UBAP2L: variants seen among roughly 807,000 people sequenced by gnomAD.
UBAP2L encodes the protein ubiquitin-associated protein 2-like.
Under a neutral mutation model 130.6 loss-of-function variants are expected in UBAP2L, and 12 were observed. The ratio of observed to expected loss-of-function variants is 0.09; its 90% CI spans 0.06 to 0.15. UBAP2L has a LOEUF of 0.15. Among genes scored for constraint, UBAP2L ranks in the 10% least tolerant of loss-of-function variants. UBAP2L has a pLI of 1.00. For missense variants in UBAP2L, 965 were observed against 1,332.5 expected, an observed-to-expected ratio of 0.72 and a Z score of 4.29; for synonymous variants, 503 against 524.7, an observed-to-expected ratio of 0.96 and a Z score of 0.57.
chr1:154,251,686 A>G (rs764714911), intron 14 of UBAP2L, 33 bp downstream of exon 14: 1 of 1,609,574 alleles, frequency 6.2e-7, no homozygotes, highest in Admixed American at 1.7e-5. Flanking sequence ...GACCTCTCTT[A>G]TTAACCTTTA....
At chr1:154,252,066 C>T (rs370333979) in intron 14 of UBAP2L, among the ~76,000 whole-genome samples, 21 of 151,846 alleles carry the variant, frequency 1.4e-4, no homozygotes, top group South Asian at 8.3e-4. Flanking sequence ...CTCTGCCACC[C>T]GGGTTCAAGC....
At chr1:154,235,420 A>G in intron 6 of UBAP2L, 129 bp downstream of exon 6, 1 of 581,062 alleles carries the variant, frequency 1.7e-6, no homozygotes. Context: ...TGGCACAGTC[A>G]TAGCTCACTG....
In UBAP2L at chr1:154,251,577, T is replaced by C; in HGVS notation, c.1588T>C (p.Ser530Pro). ...GCAGTTTGGGTCAGAGCCTGTCCTT[T>C]CTGATTATGAGTCCACCCCCACCAC... The part of the protein sequence containing the change: ...ALQFGSEPVL[S>P]DYESTPTTSA... The change falls in exon 14 of 27, where the codon TCT becomes CCT. Residue 530 changes from serine (S) to proline (P), a missense_variant. This residue lies in a region of UBAP2L where 393 missense variants were observed against 408.1 expected (regional missense o/e 0.96). Coordinates refer to ENST00000428931, the MANE Select transcript of UBAP2L (RefSeq NM_014847.4). 1 of 1,614,108 alleles carries C rather than the reference T, an allele frequency of 6.2e-7. No homozygotes were observed. The highest frequency in any genetic ancestry group is 8.5e-7 in the Non-Finnish European group (1 of 1,180,020).
upstream of UBAP2L, chr1:154,220,933 CAG>C (rs1316823629): frequency 5.6e-6 from 1 of 177,124 alleles, no homozygotes; most frequent in Non-Finnish European, 1.2e-5. Context: ...TATCACGTGA[CAG>C]GGGCGGCGCG....
Position 154,246,244 on chromosome 1 carries a change from A to G in UBAP2L, c.883A>G (p.Met295Val), listed in dbSNP as rs948611089. Residue 295 changes from methionine to valine, a missense_variant, in exon 11 of 27, where the codon ATG (methionine) becomes GTG (valine). Transcript: ENST00000428931. Reference sequence around the variant, plus strand: ...TCTGCTGGGGAAGACACCATCTACAATGGAGAATGATTCATCTAATCTGGA... The same window carrying G: ...TCTGCTGGGGAAGACACCATCTACAGTGGAGAATGATTCATCTAATCTGGA... ...AVLLGKTPST[M>V]ENDSSNLDPS... is the part of the protein sequence containing the mutation. 1.2e-6 allele frequency: 2 copies of G among 1,613,478 alleles called. No homozygotes were observed. Among genetic ancestry groups the G allele is most frequent in the African/African-American group, 1.3e-5 (1 of 74,896 alleles).
At chr1:154,267,810 G>A (rs1038671684) in intron 25 of UBAP2L, among the ~76,000 whole-genome samples, 1 of 149,094 alleles carries the variant, frequency 6.7e-6, no homozygotes, top group African/African-American at 2.5e-5. Context: ...TTCTAAGTTC[G>A]GATTTCATGA....
chr1:154,265,090 C>T (rs1327012396), intron 24 of UBAP2L, among the ~76,000 whole-genome samples: 1 of 152,172 alleles, frequency 6.6e-6, no homozygotes, highest in Non-Finnish European at 1.5e-5. Context: ...GCTTGGTTTT[C>T]TGTAGTTCCG....
At chr1:154,253,257 T>C (rs895446978) in intron 14 of UBAP2L, among the ~76,000 whole-genome samples, 2 of 151,852 alleles carry the variant, frequency 1.3e-5, no homozygotes, top group Non-Finnish European at 2.9e-5. Context: ...CCACCTTGGC[T>C]TCCCAAAGTG....
In UBAP2L at chr1:154,247,294, T is replaced by C. The variant is rs548294650; in HGVS notation, c.1014+919T>C. On this transcript the variant is annotated intron_variant, in intron 11 of 26. Transcript: ENST00000428931. ...ATGTTTTTTGTGTGTGTTAAGTTAG[T>C]AATTTGGTGGTCGATGTCCTGCCAC... 1.6e-3 allele frequency among the ~76,000 whole-genome samples: 238 copies of C among 152,256 alleles called. 1 individual carries two copies. The highest frequency in any genetic ancestry group is 5.5e-3 in the African/African-American group (228 of 41,540).
In UBAP2L at chr1:154,220,977, TA is replaced by T; in HGVS notation, c.-41+5del. 5.5e-6 allele frequency: 1 copy of T among 180,630 alleles called. No individual in the cohort carries two copies. The highest frequency in any genetic ancestry group is 1.2e-5 in the Non-Finnish European group (1 of 85,018). 11.2% of individuals were successfully genotyped at this position (180,630 alleles called of 1,614,324 possible). On this transcript the variant is annotated splice_donor_region_variant and intron_variant, in intron 1 of 26. Coordinates refer to ENST00000428931, the MANE Select transcript of UBAP2L (RefSeq NM_014847.4). ...GGTGTCAGTGTGGAGGAGACTGAGG[TA>T]AAGTTGGGAGCGCAGCGGCGTTGGC...
intron 16 of UBAP2L, 69 bp from the exon 17 acceptor site, chr1:154,255,083 C>T (rs912255173): frequency 2.6e-6 from 4 of 1,553,730 alleles, no homozygotes; most frequent in South Asian, 1.2e-5. Context: ...CTGCCTTGGA[C>T]TGTGGTCACC....
At chr1:154,229,240 G>A (rs1379520133) in intron 4 of UBAP2L, among the ~76,000 whole-genome samples, 1 of 151,998 alleles carries the variant, frequency 6.6e-6, no homozygotes, top group African/African-American at 2.4e-5. Flanking sequence ...AGAGAAACAA[G>A]CTTTGTAGCC....
At chr1:154,252,655 G>T (rs1358268122) in intron 14 of UBAP2L, among the ~76,000 whole-genome samples, 1 of 152,000 alleles carries the variant, frequency 6.6e-6, no homozygotes, top group Non-Finnish European at 1.5e-5. Flanking sequence ...TGCCTCCCAG[G>T]TTTAAGCAAT....
chr1:154,236,410 G>T (rs1671692243), intron 6 of UBAP2L, among the ~76,000 whole-genome samples, 156 bp from the exon 7 acceptor site: 1 of 152,042 alleles, frequency 6.6e-6, no homozygotes, highest in Non-Finnish European at 1.5e-5. Flanking sequence ...TATTGCCTAG[G>T]CTGGTCTCGA....
In UBAP2L at chr1:154,224,954, A is replaced by G. The variant is rs1667457646; in HGVS notation, c.-40-130A>G. The G allele has an allele frequency of 1.5e-5, 9 of 594,058 alleles. No homozygotes were observed. The Admixed American group carries it at 2.4e-4, about 16-fold the overall frequency. 36.8% of individuals were successfully genotyped at this position (594,058 alleles called of 1,614,324 possible). A position where few individuals can be genotyped will look rare whatever the true frequency, so the allele number is the denominator to read the frequency against. On this transcript the variant is annotated intron_variant, in intron 1 of 26. Transcript: ENST00000428931. ...GAATTTATCAAGCTAATTATGTTGT[A>G]AGAATAAATGAATCTTATTGATTTG...
chr1:154,237,880 T>A (rs1173739212), intron 8 of UBAP2L, among the ~76,000 whole-genome samples: 1 of 152,110 alleles, frequency 6.6e-6, no homozygotes, highest in African/African-American at 2.4e-5. Flanking sequence ...TGTTTGGGGG[T>A]GGATACGTGT....
At chr1:154,247,742 T>TC (rs941230942) in intron 11 of UBAP2L, among the ~76,000 whole-genome samples, 1 of 152,036 alleles carries the variant, frequency 6.6e-6, no homozygotes, top group African/African-American at 2.4e-5. Context: ...AAAAAAATTT[T>TC]TTTTAAATAA....
intron 3 of UBAP2L, among the ~76,000 whole-genome samples, chr1:154,228,332 C>T (rs549123384): frequency 6.6e-5 from 10 of 151,994 alleles, no homozygotes; most frequent in South Asian, 2.1e-4. Context: ...GGATTACAGG[C>T]GCCCGCCACC....
chr1:154,238,185 C>T lies in UBAP2L; in HGVS notation c.703+1049C>T, dbSNP rs935859458. Among the ~76,000 whole-genome samples the T allele has an allele frequency of 2.0e-5, 3 of 152,144 alleles. No homozygotes were observed. In the South Asian group the frequency reaches 6.2e-4, roughly 31 times the overall value. On this transcript the variant is annotated intron_variant, in intron 8 of 26. Transcript: ENST00000428931. ...CTCTGAATGTCGTCTGCTTTTTGTT[C>T]GCCAAGTTGCTATCTTATAAATTCA...
Sources: allele counts gnomAD v4.1 joint callset (sites outside exome capture counted in the v4.1 genomes callset), GRCh38; gene constraint gnomAD v4.1.1; regional missense constraint gnomAD v4.1.1; transcripts MANE v1.5; gene names NCBI Gene and HGNC (gene_info 2026-07-23, HGNC 2026-07-21).